Variants in PDGFC observed in about 807,000 individuals in gnomAD.
PDGFC encodes platelet-derived growth factor C.
Under a neutral mutation model 35.5 loss-of-function variants are expected in PDGFC, and 12 were observed. The observed-to-expected ratio is 0.34, with a 90% CI of 0.22 to 0.55. PDGFC has a LOEUF of 0.55. Ranked by LOEUF, PDGFC falls within the 20% of genes least tolerant of loss-of-function variation. The probability of loss-of-function intolerance (pLI) is 0.91; values close to 1 mark genes in which losing one functional copy is unlikely to be tolerated. For synonymous variants in PDGFC, 159 were observed against 148.8 expected (o/e 1.07, Z -0.50); for missense variants, 322 against 412.4 (o/e 0.78, Z 1.90).
intron 1 of PDGFC, 39 bp from the exon 2 acceptor site, chr4:156,850,455 T>C: frequency 8.0e-7 from 1 of 1,246,998 alleles, no homozygotes. Context: ...ACATTTAGAT[T>C]TCAAAAATTA....
chr4:156,790,769 T>A (rs1305168053), intron 3 of PDGFC, among the ~76,000 whole-genome samples: 2 of 152,204 alleles, frequency 1.3e-5, no homozygotes, highest in African/African-American at 4.8e-5. Context: ...ATGTGAAATA[T>A]TCTGTAACAT....
At position 156,767,662 on chromosome 4, in the gene PDGFC, T is replaced by C. The variant is rs569184547; in HGVS notation, c.921+111A>G. ...AAACTATTTGTAGACCTCTTTTTTT[T>C]CCCCATGAATACTACGTCTTTTTTC... On this transcript the variant is annotated intron_variant, in intron 5 of 5. Coordinates refer to ENST00000502773, the MANE Select transcript of PDGFC (RefSeq NM_016205.3). 2,208 of 669,928 alleles carry C rather than the reference T, an allele frequency of 3.3e-3. 71 individuals carry two copies. In the South Asian group the frequency reaches 0.039, roughly 12 times the overall value. The allele number at this position is 669,928 out of a possible 1,614,324, so 41.5% of individuals were successfully genotyped here. A position where few individuals can be genotyped will look rare whatever the true frequency, so the allele number is the denominator to read the frequency against.
intron 2 of PDGFC, among the ~76,000 whole-genome samples, chr4:156,831,949 T>C (rs1259504072): frequency 6.6e-6 from 1 of 152,176 alleles, no homozygotes; most frequent in African/African-American, 2.4e-5. Flanking sequence ...ATACAGTTTA[T>C]GCAACTTGCT....
intron 1 of PDGFC, among the ~76,000 whole-genome samples, chr4:156,853,445 A>G (rs1336021223): frequency 6.6e-6 from 1 of 152,140 alleles, no homozygotes; most frequent in Non-Finnish European, 1.5e-5. Flanking sequence ...AATGCTACCA[A>G]TCTTCTCAGT....
intron 1 of PDGFC, among the ~76,000 whole-genome samples, chr4:156,861,688 A>T (rs1434798855): frequency 6.6e-6 from 1 of 152,046 alleles, no homozygotes; most frequent in Non-Finnish European, 1.5e-5. Flanking sequence ...TCTTTAAGGG[A>T]GCGGGTCTTG....
At chr4:156,836,686 AT>A (rs1448218802) in intron 2 of PDGFC, among the ~76,000 whole-genome samples, 5 of 152,218 alleles carry the variant, frequency 3.3e-5, no homozygotes, top group Admixed American at 3.3e-4. Context: ...CCTTACTTCC[AT>A]TCTGTACCTT....
At chr4:156,920,799 CTGT>C (rs560769653) in intron 1 of PDGFC, among the ~76,000 whole-genome samples, 293 of 152,166 alleles carry the variant, frequency 1.9e-3, no homozygotes, top group African/African-American at 6.8e-3. Context: ...TTCTACTTTT[CTGT>C]TGTTCTAAAA....
chr4:156,952,107 T>C (rs1405028960), intron 1 of PDGFC, among the ~76,000 whole-genome samples: 1 of 151,856 alleles, frequency 6.6e-6, no homozygotes, highest in African/African-American at 2.4e-5. Context: ...GGCAAAGGAA[T>C]GCATCTGCTG....
At chr4:156,868,664 A>C (rs1729904712) in intron 1 of PDGFC, among the ~76,000 whole-genome samples, 1 of 152,314 alleles carries the variant, frequency 6.6e-6, no homozygotes, top group East Asian at 1.9e-4. Flanking sequence ...CTGTTATAAC[A>C]GTTTTCTATC....
chr4:156,893,629 T>C (rs998150265), intron 1 of PDGFC, among the ~76,000 whole-genome samples: 2 of 151,016 alleles, frequency 1.3e-5, no homozygotes, highest in Non-Finnish European at 2.9e-5. Flanking sequence ...AGAACCACCA[T>C]ACCCAGCCTA....
chr4:156,873,466 G>A lies in PDGFC; in HGVS notation c.119-23050C>T, dbSNP rs987573241. ...ATATGATTTCAAGCACTACATAAAA[G>A]GGCATGTTCTTCATCTTAATAGTTG... On this transcript the variant is annotated intron_variant, in intron 1 of 5. Coordinates refer to ENST00000502773, the MANE Select transcript of PDGFC (RefSeq NM_016205.3). Among the ~76,000 whole-genome samples, 7 of 152,226 alleles carry A rather than the reference G, an allele frequency of 4.6e-5. No homozygotes were observed. In the South Asian group the frequency reaches 1.5e-3, roughly 32 times the overall value.
chr4:156,922,215 T>C (rs1191957413), intron 1 of PDGFC, among the ~76,000 whole-genome samples: 10 of 151,860 alleles, frequency 6.6e-5, no homozygotes, highest in Non-Finnish European at 1.5e-5. Context: ...TGTGTATATC[T>C]GGTTCCTAAT....
intron 1 of PDGFC, among the ~76,000 whole-genome samples, chr4:156,851,291 TATAAAAA>T (rs1729445901): frequency 6.6e-6 from 1 of 152,170 alleles, no homozygotes; most frequent in African/African-American, 2.4e-5. Context: ...AATATTAAAA[TATAAAAA>T]ATGTTGCAGC....
chr4:156,967,585 GAA>G (rs1732496168), intron 1 of PDGFC: 2 of 152,312 alleles, frequency 1.3e-5, no homozygotes, highest in Admixed American at 1.3e-4. Context: ...AACACAGGTA[GAA>G]GAGGCATTCC....
At chr4:156,865,620 C>G (rs7662187) in intron 1 of PDGFC, among the ~76,000 whole-genome samples, 20,500 of 152,072 alleles carry the variant, frequency 0.13, 1,699 homozygotes, top group African/African-American at 0.23. Context: ...CATCACCACT[C>G]TACCAATTAG....
At chr4:156,915,085 A>T (rs1460501014) in intron 1 of PDGFC, among the ~76,000 whole-genome samples, 3 of 152,154 alleles carry the variant, frequency 2.0e-5, no homozygotes, top group Admixed American at 2.0e-4. Flanking sequence ...TGGCCAAAAA[A>T]ATGCTGCTAA....
At chr4:156,830,976 AT>A (rs1372077230) in intron 2 of PDGFC, among the ~76,000 whole-genome samples, 2 of 152,068 alleles carry the variant, frequency 1.3e-5, no homozygotes, top group African/African-American at 4.8e-5. Flanking sequence ...TTAGAATTAT[AT>A]TTTTTGTATG....
At chr4:156,882,264 A>G (rs1048550611) in intron 1 of PDGFC, among the ~76,000 whole-genome samples, 2 of 152,202 alleles carry the variant, frequency 1.3e-5, no homozygotes, top group Non-Finnish European at 2.9e-5. Flanking sequence ...TTGTGTAGTT[A>G]TTCATAATTC....
At chr4:156,806,853 A>G (rs1160738593) in intron 3 of PDGFC, among the ~76,000 whole-genome samples, 2 of 152,028 alleles carry the variant, frequency 1.3e-5, no homozygotes, top group Non-Finnish European at 2.9e-5. Context: ...ATTATAAATT[A>G]CTCCAAAATT....
Sources: allele counts gnomAD v4.1 joint callset (sites outside exome capture counted in the v4.1 genomes callset), GRCh38; gene constraint gnomAD v4.1.1; transcripts MANE v1.5; gene names NCBI Gene and HGNC (gene_info 2026-07-23, HGNC 2026-07-21).